Variants in OVCH2 observed in about 807,000 individuals in gnomAD.
OVCH2 encodes ovochymase 2.
Under a neutral mutation model 73.7 loss-of-function variants are expected in OVCH2, and 88 were observed. That is an observed-to-expected ratio of 1.19 (90% CI 1.01 to 1.43). The LOEUF (loss-of-function observed/expected upper bound fraction) is 1.43. Ranked by LOEUF, OVCH2 falls within the 40% of genes most tolerant of loss-of-function variation. The probability of loss-of-function intolerance (pLI) is 0.00; values close to 1 mark genes in which losing one functional copy is unlikely to be tolerated. For missense variants in OVCH2, 706 were observed against 674.5 expected (o/e 1.05, Z -0.52); for synonymous variants, 265 against 234.5 (o/e 1.13, Z -1.19).
At position 7,690,011 on chromosome 11, in the gene OVCH2, A is replaced by G; in HGVS notation, c.1642T>C (p.Tyr548His). 6.6e-7 allele frequency: 1 copy of G among 1,508,500 alleles called. No individual in the cohort carries two copies. The highest frequency in any genetic ancestry group is 8.9e-7 in the Non-Finnish European group (1 of 1,121,908). 93.4% of individuals were successfully genotyped at this position (1,508,500 alleles called of 1,614,324 possible). A position where few individuals can be genotyped will look rare whatever the true frequency, so the allele number is the denominator to read the frequency against. ...GATATGGAGATGTTTAAATCTGGGT[A>G]TACTGGGTATAAGTATGATACAATT... is the stretch of plus-strand genomic sequence containing the variant. ...ATVSFIPKAV[Y>H]PDLNISISED... The change falls in exon 15 of 16, where the codon TAC becomes CAC. Residue 548 changes from tyrosine (Y) to histidine (H), a missense_variant and splice_region_variant. Coordinates refer to ENST00000533663, the MANE Select transcript of OVCH2 (RefSeq NM_198185.7).
intron 6 of OVCH2, 63 bp downstream of exon 6, chr11:7,701,261 A>G (rs991665151): frequency 1.3e-6 from 2 of 1,524,452 alleles, no homozygotes; most frequent in South Asian, 1.3e-5. Flanking sequence ...TAAGAAAACT[A>G]GAAGAAAACA....
At chr11:7,703,916 T>A in intron 2 of OVCH2, 127 bp from the exon 3 acceptor site, 1 of 777,598 alleles carries the variant, frequency 1.3e-6, no homozygotes, top group Non-Finnish European at 2.1e-6. Flanking sequence ...TCGTGGACTG[T>A]GAAAAGATAA....
intron 12 of OVCH2, among the ~76,000 whole-genome samples, chr11:7,693,283 G>T (rs11041535): frequency 0.12 from 18,894 of 152,196 alleles, 1,625 homozygotes; most frequent in African/African-American, 0.24. Flanking sequence ...AAAGGTAGGC[G>T]TGGGGAGGGG....
At chr11:7,679,673 T>C in the OVCH2 span, among the ~76,000 whole-genome samples, 1 of 152,192 alleles carries the variant, frequency 6.6e-6, no homozygotes, top group African/African-American at 2.4e-5. Context: ...TTAAACCTCT[T>C]TCCTTTATAA....
the OVCH2 span, among the ~76,000 whole-genome samples, chr11:7,683,355 A>G: frequency 6.6e-6 from 1 of 152,006 alleles, no homozygotes; most frequent in Admixed American, 6.6e-5. Context: ...GTCACCTTTG[A>G]CATCTCTCTT....
In OVCH2 at chr11:7,697,713, C is replaced by T. The variant is rs146341421; in HGVS notation, c.926-914G>A. Among the ~76,000 whole-genome samples the T allele has an allele frequency of 2.8e-3, 428 of 152,246 alleles. 2 individuals are homozygous for T. The highest frequency in any genetic ancestry group is 9.8e-3 in the African/African-American group (408 of 41,542). ...TAATTGGCTCCCAATCCTCATTTCT[C>T]GTTTCTATTCCTTCCTTTTCATTCT... On this transcript the variant is annotated intron_variant, in intron 8 of 15. Coordinates refer to ENST00000533663, the MANE Select transcript of OVCH2 (RefSeq NM_198185.7).
chr11:7,700,356 G>C lies in OVCH2; in HGVS notation c.841C>G (p.Pro281Ala). Residue 281 changes from proline (P) to alanine (A), a missense_variant, in exon 7 of 16, where the codon CCT becomes GCT. Transcript: ENST00000533663. ...TTACTAATGTCTGTGAAGATCCCAG[G>C]GGATCCTTGATCACTTTTCCTCACA... ...NNVRKSDQGS[P>A]GIFTDISKVL... The C allele has an allele frequency of 6.2e-7, 1 of 1,613,694 alleles. No homozygotes were observed. The highest frequency in any genetic ancestry group is 1.1e-5 in the South Asian group (1 of 91,028).
Position 7,691,317 on chromosome 11 carries a change from C to G in OVCH2, c.1591G>C (p.Gly531Arg). 1 of 1,613,810 alleles carries G rather than the reference C, an allele frequency of 6.2e-7. No homozygotes were observed. The highest frequency in any genetic ancestry group is 8.5e-7 in the Non-Finnish European group (1 of 1,179,836). Residue 531 changes from glycine (G) to arginine (R), a missense_variant, in exon 14 of 16, where the codon GGG becomes CGG. Transcript: ENST00000533663. The part of the protein sequence containing the change: ...MLISFQSDEN[G>R]TCRGFQATVS... ...GTAGCCTGAAAGCCCCTGCAGGTCC[C>G]GTTTTCATCTGATTGGAAGCTGATG...
chr11:7,701,747 A>G lies in OVCH2; in HGVS notation c.528T>C (p.Cys176=). 6.2e-7 allele frequency: 1 copy of G among 1,612,518 alleles called. No individual in the cohort carries two copies. Among genetic ancestry groups the G allele is most frequent in the Non-Finnish European group, 8.5e-7 (1 of 1,179,422 alleles). Residue 176 remains cysteine (C), a synonymous_variant, in exon 5 of 16, where the codon TGT becomes TGC. Transcript: ENST00000533663. ...LREQFEAGFI[C]TTAGWGRLTE... ...TTAAGCGGCCCCAGCCTGCAGTTGT[A>G]CAAATAAAACCAGCCTCAAATTGCT...
the OVCH2 span, among the ~76,000 whole-genome samples, chr11:7,681,695 C>T: frequency 4.6e-5 from 7 of 152,082 alleles, no homozygotes; most frequent in Non-Finnish European, 8.8e-5. Flanking sequence ...GAAGGAATTG[C>T]TTGTGAGTTC....
At chr11:7,689,880 G>A (rs1856186527) in intron 15 of OVCH2, 44 bp downstream of exon 15, 1 of 1,193,024 alleles carries the variant, frequency 8.4e-7, no homozygotes, top group South Asian at 1.3e-5. Context: ...GTTGAACCCT[G>A]GATTATACTC....
In OVCH2 at chr11:7,704,564, C is replaced by G. The variant is rs1244603362; in HGVS notation, c.198+1G>C. ...GATGCATAGAAGTCCTTGAGACTCA[C>G]CTGCCAGGGATAGGAACCCTTCTCC... On this transcript the variant is annotated splice_donor_variant, in intron 2 of 15. Coordinates refer to ENST00000533663, the MANE Select transcript of OVCH2 (RefSeq NM_198185.7). LOFTEE classifies it high-confidence loss of function. The G allele has an allele frequency of 1.3e-6, 2 of 1,594,754 alleles. No individual in the cohort carries two copies. The highest frequency in any genetic ancestry group is 2.2e-5 in the East Asian group (1 of 44,660).
At chr11:7,691,217 A>T in intron 14 of OVCH2, 52 bp downstream of exon 14, 1 of 1,550,976 alleles carries the variant, frequency 6.4e-7, no homozygotes, top group Non-Finnish European at 8.7e-7. Flanking sequence ...TCTAATTCAC[A>T]TCACAAGGAT....
intron 1 of OVCH2, 66 bp from the exon 2 acceptor site, chr11:7,704,740 A>G: frequency 9.3e-7 from 1 of 1,080,384 alleles, no homozygotes; most frequent in Non-Finnish European, 1.4e-6. Context: ...TATCTTCTCC[A>G]TTTCACCCAT....
chr11:7,692,124 A>G, intron 12 of OVCH2, 129 bp from the exon 13 acceptor site: 1 of 654,854 alleles, frequency 1.5e-6, no homozygotes, highest in Non-Finnish European at 2.7e-6. Context: ...TTAATGGGGT[A>G]TTCAGGAGTG....
At chr11:7,685,193 A>G (rs558949023), downstream of OVCH2, among the ~76,000 whole-genome samples, 1 of 152,222 alleles carries the variant, frequency 6.6e-6, no homozygotes, top group East Asian at 1.9e-4. Context: ...GTCCCCCAGG[A>G]GGGCTGGAGG....
At position 7,702,318 on chromosome 11, in the gene OVCH2, G is replaced by T; in HGVS notation, c.302C>A (p.Ser101Tyr). 1 of 1,592,158 alleles carries T rather than the reference G, an allele frequency of 6.3e-7. No individual in the cohort carries two copies. Among genetic ancestry groups the T allele is most frequent in the Non-Finnish European group, 8.5e-7 (1 of 1,172,914 alleles). Reference sequence around the variant, plus strand: ...CTCTCCAGCAGTAACATTCAAAGTAGACACAATGTTTCTATGGAAAGCAAA... The same window carrying T: ...CTCTCCAGCAGTAACATTCAAAGTATACACAATGTTTCTATGGAAAGCAAA... ...AHCIANRNIV[S>Y]TLNVTAGEYD... Residue 101 changes from serine to tyrosine, a missense_variant, in exon 4 of 16, where the codon TCT becomes TAT. Physicochemically the swap from Ser to Tyr is moderately radical, Grantham distance 144. Coordinates refer to ENST00000533663, the MANE Select transcript of OVCH2 (RefSeq NM_198185.7).
At chr11:7,681,853 C>CAAAAAAA in the OVCH2 span, among the ~76,000 whole-genome samples, 15 of 92,954 alleles carry the variant, frequency 1.6e-4, no homozygotes, top group Admixed American at 2.3e-4. Flanking sequence ...GGGAAATGTC[C>CAAAAAAA]AAAAAAAAAA....
At position 7,701,975 on chromosome 11, in the gene OVCH2, C is replaced by T. The variant is rs533635112; in HGVS notation, c.464-164G>A. 1.9e-4 allele frequency among the ~76,000 whole-genome samples: 29 copies of T among 152,308 alleles called. 1 individual carries two copies. In the Middle Eastern group the frequency reaches 0.017, roughly 89 times the overall value. On this transcript the variant is annotated intron_variant, in intron 4 of 15. Transcript: ENST00000533663. ...ACTTGTCAATTAAAGAAAACCTTCT[C>T]CTGACTCCATGTAATGCTATCTCCA... is the stretch of plus-strand genomic sequence containing the variant.
Sources: gnomAD v4.1 joint callset for allele counts (sites outside exome capture counted in the v4.1 genomes callset) on GRCh38, gnomAD v4.1.1 for gene constraint, MANE v1.5 for transcripts, NCBI Gene and HGNC (gene_info 2026-07-23, HGNC 2026-07-21) for gene names.